Variants in BMP6 observed in about 807,000 individuals in gnomAD.
BMP6 encodes the protein VG-1-R.
Under a neutral mutation model 54.1 loss-of-function variants are expected in BMP6, and 17 were observed. The ratio of observed to expected loss-of-function variants is 0.31; its 90% confidence interval spans 0.22 to 0.47. The LOEUF is 0.47. Among genes scored for constraint, BMP6 ranks in the 20% least tolerant of loss-of-function variants. The pLI, the probability that BMP6 is intolerant of heterozygous loss-of-function variation, is 1.00. For missense variants in BMP6, 720 were observed against 690.4 expected, an observed-to-expected ratio of 1.04 and a Z score of -0.48; for synonymous variants, 328 against 291.2, an observed-to-expected ratio of 1.13 and a Z score of -1.28.
chr6:7,766,554 G>C (rs775319911), intron 1 of BMP6, among the ~76,000 whole-genome samples: 125 of 152,302 alleles, frequency 8.2e-4, no homozygotes, highest in Non-Finnish European at 1.6e-3. Flanking sequence ...GAAGATCAAG[G>C]CTGCAGTGAG....
intron 1 of BMP6, among the ~76,000 whole-genome samples, chr6:7,740,055 G>T (rs982732253): frequency 1.3e-5 from 2 of 152,208 alleles, no homozygotes; most frequent in Non-Finnish European, 2.9e-5. Flanking sequence ...CAGGACACAG[G>T]CAGGGAGCTG....
intron 1 of BMP6, among the ~76,000 whole-genome samples, chr6:7,754,600 C>G (rs536636341): frequency 6.6e-6 from 1 of 152,306 alleles, no homozygotes; most frequent in South Asian, 2.1e-4. Flanking sequence ...CTTGATTATT[C>G]TCTTTGTCCT....
chr6:7,834,066 C>G (rs1160944588), intron 1 of BMP6, among the ~76,000 whole-genome samples: 1 of 152,000 alleles, frequency 6.6e-6, no homozygotes, highest in East Asian at 1.9e-4. Context: ...ATCCTGAGAC[C>G]AGCTTGGGGT....
intron 1 of BMP6, among the ~76,000 whole-genome samples, chr6:7,804,388 T>C (rs1049232243): frequency 3.3e-5 from 5 of 152,212 alleles, no homozygotes; most frequent in African/African-American, 1.2e-4. Flanking sequence ...CACTCCTTTC[T>C]TTCTTTCTTT....
intron 1 of BMP6, among the ~76,000 whole-genome samples, chr6:7,795,091 C>A (rs187099617): frequency 1.3e-5 from 2 of 152,300 alleles, no homozygotes; most frequent in African/African-American, 4.8e-5. Flanking sequence ...GCATGTTGAA[C>A]ATCTCTTTGC....
chr6:7,756,612 G>A (rs189585341), intron 1 of BMP6, among the ~76,000 whole-genome samples: 98 of 152,156 alleles, frequency 6.4e-4, no homozygotes, highest in East Asian at 1.7e-3. Flanking sequence ...AAGTGAGCAC[G>A]CAAAGATGCT....
At chr6:7,797,213 G>A (rs1758204029) in intron 1 of BMP6, among the ~76,000 whole-genome samples, 1 of 152,224 alleles carries the variant, frequency 6.6e-6, no homozygotes, top group Admixed American at 6.5e-5. Flanking sequence ...GAAATTTCAG[G>A]TGGTGCTTAT....
At position 7,845,313 on chromosome 6, in the gene BMP6, T is replaced by G. The variant is rs768606168; in HGVS notation, c.838T>G (p.Leu280Val). Reference protein sequence around the residue: ...QTFLISIYQVLQEHQHRDSDL... With the variant: ...QTFLISIYQVVQEHQHRDSDL... The stretch of plus-strand genomic sequence containing the variant: ...TTTTCTTATCAGCATTTATCAAGTC[T>G]TACAGGAGCATCAGCACAGGTATGA... Residue 280 changes from leucine to valine, a missense_variant, in exon 2 of 7, where the codon TTA becomes GTA. Around this residue, in one of 3 missense-constraint regions of BMP6, gnomAD observed 650 missense variants for 556.3 expected, o/e 1.17. Transcript: ENST00000283147. The G allele has an allele frequency of 1.9e-6, 3 of 1,613,936 alleles. No individual in the cohort carries two copies. In the Admixed American group the frequency reaches 5.0e-5, roughly 27 times the overall value.
At chr6:7,867,370 A>G (rs1450567636) in intron 4 of BMP6, among the ~76,000 whole-genome samples, 1 of 152,204 alleles carries the variant, frequency 6.6e-6, no homozygotes, top group Non-Finnish European at 1.5e-5. Flanking sequence ...ACCAGGAGTC[A>G]TCTCTTGCAA....
rs753918736 is a variant in BMP6 at position 7,727,236 on chromosome 6, G to A, written c.281G>A (p.Arg94Gln). The change falls in exon 1 of 7, where the codon CGG (arginine) becomes CAG (glutamine). Residue 94 changes from arginine to glutamine, a missense_variant. Physicochemically the swap from Arg to Gln is conservative, Grantham distance 43 (BLOSUM62 1). This residue lies in a region of BMP6 where 650 missense variants were observed against 556.3 expected (regional missense o/e 1.17). Transcript: ENST00000283147. ...LSVLGLPHRP[R>Q]PLHGLQQPQP... ...GTGCTGGGGCTCCCGCACCGGCCCC[G>A]GCCCCTGCACGGCCTCCAACAGCCG... The A allele has an allele frequency of 3.7e-6, 6 of 1,606,406 alleles. No homozygotes were observed. The South Asian group carries it at 4.4e-5, about 12-fold the overall frequency.
At chr6:7,822,805 C>T (rs932832361) in intron 1 of BMP6, among the ~76,000 whole-genome samples, 34 of 151,976 alleles carry the variant, frequency 2.2e-4, no homozygotes, top group African/African-American at 8.0e-4. Flanking sequence ...GTCAGCAATT[C>T]AGAGTGTTTT....
At chr6:7,775,427 G>C (rs1462824505) in intron 1 of BMP6, among the ~76,000 whole-genome samples, 3 of 152,196 alleles carry the variant, frequency 2.0e-5, no homozygotes, top group African/African-American at 7.2e-5. Context: ...AACACCCATG[G>C]TGTTCACCAT....
chr6:7,740,907 C>A (rs1325408618), intron 1 of BMP6, among the ~76,000 whole-genome samples: 1 of 152,186 alleles, frequency 6.6e-6, no homozygotes, highest in African/African-American at 2.4e-5. Flanking sequence ...GTGAATCCCT[C>A]CCTGCATCCC....
At chr6:7,819,230 A>G (rs1209603548) in intron 1 of BMP6, among the ~76,000 whole-genome samples, 1 of 152,144 alleles carries the variant, frequency 6.6e-6, no homozygotes, top group South Asian at 2.1e-4. Flanking sequence ...AGGGTGACCA[A>G]TTTGTCCTAG....
At chr6:7,740,677 G>A (rs997493171) in intron 1 of BMP6, among the ~76,000 whole-genome samples, 2 of 152,078 alleles carry the variant, frequency 1.3e-5, no homozygotes, top group Non-Finnish European at 2.9e-5. Context: ...TCTGCACTTC[G>A]ACAAGCGGTG....
intron 1 of BMP6, among the ~76,000 whole-genome samples, chr6:7,828,198 C>T (rs1758731596): frequency 6.6e-6 from 1 of 152,216 alleles, no homozygotes; most frequent in African/African-American, 2.4e-5. Flanking sequence ...GCTGAACACA[C>T]CAGCACAGCT....
chr6:7,862,851 T>C (rs1759359110), intron 4 of BMP6, among the ~76,000 whole-genome samples: 1 of 151,816 alleles, frequency 6.6e-6, no homozygotes, highest in African/African-American at 2.4e-5. Context: ...TGCTGGGGGG[T>C]TATGATGTGC....
chr6:7,830,487 C>T (rs998833665), intron 1 of BMP6, among the ~76,000 whole-genome samples: 3 of 152,062 alleles, frequency 2.0e-5, no homozygotes, highest in African/African-American at 4.8e-5. Context: ...TGGGGTGGGC[C>T]GTAAATGAGC....
chr6:7,814,231 A>C (rs1758489321), intron 1 of BMP6, among the ~76,000 whole-genome samples: 1 of 152,242 alleles, frequency 6.6e-6, no homozygotes, highest in Admixed American at 6.5e-5. Flanking sequence ...TTGTACTCAA[A>C]GTCAACTGAT....
Sources: allele counts gnomAD v4.1 joint callset (sites outside exome capture counted in the v4.1 genomes callset), GRCh38; gene constraint gnomAD v4.1.1; regional missense constraint gnomAD v4.1.1; transcripts MANE v1.5; gene names NCBI Gene and HGNC (gene_info 2026-07-23, HGNC 2026-07-21).